Variants in RGMA observed in about 807,000 individuals in gnomAD.
RGMA encodes the protein repulsive guidance molecule BMP co-receptor a, also known as repulsive guidance molecule A.
A neutral mutation model predicts 23.2 loss-of-function variants in RGMA; 10 were observed. The ratio of observed to expected loss-of-function variants is 0.43; its 90% CI spans 0.27 to 0.73. The LOEUF is 0.73. Ranked by LOEUF, RGMA falls within the 30% of genes least tolerant of loss-of-function variation. RGMA has a pLI of 0.20. For missense variants in RGMA, 547 were observed against 630.5 expected (o/e 0.87, Z 1.42); for synonymous variants, 308 against 279.3 (o/e 1.10, Z -1.03).
rs1421156455 is a variant in RGMA at position 93,035,871 on chromosome 15, C to T, written c.*9127G>A. ...CCAGTGATTAAGGCCTAGTCCTGCACCCAGTTGATAGCTAGGGCAGTGAGG... is the reference window on the plus strand; with the variant it reads ...CCAGTGATTAAGGCCTAGTCCTGCATCCAGTTGATAGCTAGGGCAGTGAGG... On this transcript the variant is annotated 3_prime_UTR_variant, in exon 4 of 4. Coordinates refer to ENST00000329082, the MANE Select transcript of RGMA (RefSeq NM_020211.3). 1 of 152,276 alleles carries T rather than the reference C, an allele frequency of 6.6e-6. No homozygotes were observed. Among genetic ancestry groups the T allele is most frequent in the Non-Finnish European group, 1.5e-5 (1 of 68,086 alleles). The allele number at this position is 152,276 out of a possible 1,614,324, so 9.4% of individuals were successfully genotyped here.
chr15:93,047,777 G>A (rs984360251), intron 3 of RGMA, among the ~76,000 whole-genome samples: 3 of 152,214 alleles, frequency 2.0e-5, no homozygotes, highest in Non-Finnish European at 2.9e-5. Flanking sequence ...TCTGGGTAGA[G>A]GGCAATGCCG....
chr15:93,071,469 T>G (rs769878413), intron 2 of RGMA, among the ~76,000 whole-genome samples: 1 of 152,184 alleles, frequency 6.6e-6, no homozygotes, highest in Non-Finnish European at 1.5e-5. Context: ...ACCCGACATC[T>G]TGTCCTTGGC....
chr15:93,045,640 G>C lies in RGMA; in HGVS notation c.711C>G (p.Asp237Glu), dbSNP rs112623341. ...VDQKVYQAEM[D>E]ELPAAFVDGS... ...CATCCACGAAGGCGGCCGGGAGCTC[G>C]TCCATCTCAGCCTGGTACACCTTCT... Residue 237 changes from aspartate (D) to glutamate (E), a missense_variant, in exon 4 of 4, where the codon GAC becomes GAG. Physicochemically the swap from Asp to Glu is conservative, Grantham distance 45. Around this residue, in one of 3 missense-constraint regions of RGMA, gnomAD observed 128 missense variants for 191.7 expected, o/e 0.67. Coordinates refer to ENST00000329082, the MANE Select transcript of RGMA (RefSeq NM_020211.3). The surrounding 1 kb of genome is among the most constrained non-coding windows in gnomAD (Gnocchi z 6.9). 1.7e-5 allele frequency: 27 copies of C among 1,611,202 alleles called. No homozygotes were observed. The highest frequency in any genetic ancestry group is 2.0e-5 in the Non-Finnish European group (24 of 1,179,892).
intron 1 of RGMA, among the ~76,000 whole-genome samples, chr15:93,078,463 G>A (rs751995811): frequency 6.6e-6 from 1 of 152,126 alleles, no homozygotes; most frequent in African/African-American, 2.4e-5. Context: ...GTGTGAGAAC[G>A]GATCCTTATT....
rs746710773 is a variant in RGMA, at chr15:93,045,048, G to A, written c.1303C>T (p.Leu435Phe). ...AGGAGCGGGACGAGGGCGCCCAGGA[G>A]GGGCCGGGGGGCCAGGGGCAGCCCC... ...AAGLPLAPRPLLGALVPLLAL... is the reference protein window; with the variant it reads ...AAGLPLAPRPFLGALVPLLAL... The change falls in exon 4 of 4, where the codon CTC (leucine) becomes TTC (phenylalanine). Residue 435 changes from leucine (L) to phenylalanine (F), a missense_variant. Physicochemically the swap from Leu to Phe is conservative, Grantham distance 22 (BLOSUM62 0). Transcript: ENST00000329082. The surrounding 1 kb of genome is among the most constrained non-coding windows in gnomAD (Gnocchi z 6.9). 10 of 1,576,788 alleles carry A rather than the reference G, an allele frequency of 6.3e-6. No homozygotes were observed. Among genetic ancestry groups the A allele is most frequent in the Non-Finnish European group, 8.6e-6 (10 of 1,161,310 alleles).
chr15:93,054,474 G>C (rs532023572), intron 2 of RGMA, among the ~76,000 whole-genome samples: 50 of 144,120 alleles, frequency 3.5e-4, no homozygotes, highest in African/African-American at 1.1e-3. Context: ...ATACTGTTCT[G>C]GTGGTAGTGA....
At chr15:93,063,205 C>T (rs1302815475) in intron 2 of RGMA, 1 of 152,290 alleles carries the variant, frequency 6.6e-6, no homozygotes, top group East Asian at 1.9e-4. Context: ...AAGCCTCAGA[C>T]CTCCCATGTC....
intron 1 of RGMA, among the ~76,000 whole-genome samples, chr15:93,082,962 G>C (rs1021689877): frequency 5.3e-5 from 8 of 152,252 alleles, no homozygotes; most frequent in Non-Finnish European, 1.0e-4. Flanking sequence ...CAAGTTTTAA[G>C]CCAGATGGGC....
chr15:93,035,503 C>G lies in RGMA; in HGVS notation c.*9495G>C, dbSNP rs1436904101. On this transcript the variant is annotated 3_prime_UTR_variant, in exon 4 of 4. Coordinates refer to ENST00000329082, the MANE Select transcript of RGMA (RefSeq NM_020211.3). ...GGGGGGATTCTTGCTGAAGGCAGGCCAGGTGATCAGACGTCCCCTGGAGGC... is the reference window on the plus strand; with the variant it reads ...GGGGGGATTCTTGCTGAAGGCAGGCGAGGTGATCAGACGTCCCCTGGAGGC... 1 of 152,184 alleles carries G rather than the reference C, an allele frequency of 6.6e-6. No individual in the cohort carries two copies. The highest frequency in any genetic ancestry group is 1.5e-5 in the Non-Finnish European group (1 of 68,072). The allele number at this position is 152,184 out of a possible 1,614,324, so 9.4% of individuals were successfully genotyped here.
At position 93,043,246 on chromosome 15, in the gene RGMA, A is replaced by ACACAGGCACGCACGCG. The variant is rs1555447880; in HGVS notation, c.*1751_*1752insCGCGTGCGTGCCTGTG. 4.4e-5 allele frequency: 3 copies of ACACAGGCACGCACGCG among 68,958 alleles called. No homozygotes were observed. Among genetic ancestry groups the ACACAGGCACGCACGCG allele is most frequent in the Non-Finnish European group, 1.1e-4 (3 of 28,466 alleles). The allele number at this position is 68,958 out of a possible 1,614,324, so 4.3% of individuals were successfully genotyped here. A position where few individuals can be genotyped will look rare whatever the true frequency, so the allele number is the denominator to read the frequency against. On this transcript the variant is annotated 3_prime_UTR_variant, in exon 4 of 4. Coordinates refer to ENST00000329082, the MANE Select transcript of RGMA (RefSeq NM_020211.3). ...TGCGCACACATGCGTACATGCACGC[A>ACACAGGCACGCACGCG]CACAGGCACGCACACACACAGGCAT...
At position 93,052,167 on chromosome 15, in the gene RGMA, G is replaced by C; in HGVS notation, c.471C>G (p.Thr157=). ...YEKSFHKHSA[T]PNYTHCGLFG... Reference sequence around the variant, plus strand: ...AGAGGCCACAGTGCGTGTAGTTGGGGGTGGCCGAGTGCTTGTGAAAGCTCT... The same window carrying C: ...AGAGGCCACAGTGCGTGTAGTTGGGCGTGGCCGAGTGCTTGTGAAAGCTCT... Residue 157 remains threonine (T), a synonymous_variant, in exon 3 of 4, where the codon ACC becomes ACG. Coordinates refer to ENST00000329082, the MANE Select transcript of RGMA (RefSeq NM_020211.3). 6.2e-7 allele frequency: 1 copy of C among 1,613,530 alleles called. No homozygotes were observed. The highest frequency in any genetic ancestry group is 1.1e-5 in the South Asian group (1 of 91,080).
At position 93,045,366 on chromosome 15, in the gene RGMA, C is replaced by T; in HGVS notation, c.985G>A (p.Ala329Thr). Residue 329 changes from alanine (A) to threonine (T), a missense_variant, in exon 4 of 4, where the codon GCC becomes ACC. Transcript: ENST00000329082. This position sits in a 1 kb window ranked among gnomAD's most constrained non-coding sequence, Gnocchi z 6.9. Reference sequence around the variant, plus strand: ...GTGCCCTCAGCATTGGTGTGGAAGGCCTGGAAGTCGATCTGCTGGTTGAGG... The same window carrying T: ...GTGCCCTCAGCATTGGTGTGGAAGGTCTGGAAGTCGATCTGCTGGTTGAGG... ...CPLNQQIDFQ[A>T]FHTNAEGTGA... The T allele has an allele frequency of 6.2e-7, 1 of 1,611,974 alleles. No homozygotes were observed. Among genetic ancestry groups the T allele is most frequent in the Non-Finnish European group, 8.5e-7 (1 of 1,179,534 alleles).
intron 2 of RGMA, among the ~76,000 whole-genome samples, chr15:93,057,201 G>C (rs2055028484): frequency 6.6e-6 from 1 of 152,156 alleles, no homozygotes; most frequent in South Asian, 2.1e-4. Context: ...TGGGCACCAG[G>C]TGGCTTCACC....
chr15:93,062,493 T>C (rs1013029802), intron 2 of RGMA, among the ~76,000 whole-genome samples: 4 of 152,154 alleles, frequency 2.6e-5, no homozygotes, highest in South Asian at 2.1e-4. Flanking sequence ...GGAGGCGACA[T>C]GCTGGCTGGT....
In RGMA at chr15:93,088,987, G is replaced by A. The variant is rs954994352; in HGVS notation, c.-55C>T. 4 of 1,247,196 alleles carry A rather than the reference G, an allele frequency of 3.2e-6. No individual in the cohort carries two copies. Among genetic ancestry groups the A allele is most frequent in the Non-Finnish European group, 4.2e-6 (4 of 961,632 alleles). 77.3% of individuals were successfully genotyped at this position (1,247,196 alleles called of 1,614,324 possible). On this transcript the variant is annotated 5_prime_UTR_variant, in exon 1 of 4. Coordinates refer to ENST00000329082, the MANE Select transcript of RGMA (RefSeq NM_020211.3). The stretch of plus-strand genomic sequence containing the variant: ...TGGCGGGGCTGCGGGAGAAGAGGGG[G>A]TGTCGGGGCGCCGCTCGTCTGCCCC...
At chr15:93,050,018 C>A (rs977952302) in intron 3 of RGMA, among the ~76,000 whole-genome samples, 1 of 152,244 alleles carries the variant, frequency 6.6e-6, no homozygotes, top group African/African-American at 2.4e-5. Flanking sequence ...GATGTCGACT[C>A]CTCTGTTCCT....
chr15:93,085,937 G>A (rs1255464118), intron 1 of RGMA, among the ~76,000 whole-genome samples: 1 of 152,210 alleles, frequency 6.6e-6, no homozygotes, highest in Non-Finnish European at 1.5e-5. Context: ...ACTTGGGTAA[G>A]GCAATCCTTA....
In RGMA at chr15:93,045,033, C is replaced by G; in HGVS notation, c.1318G>C (p.Val440Leu). The part of the protein sequence containing the change: ...LAPRPLLGAL[V>L]PLLALLPVFC ...ACAGGGAGCAGGGCCAGGAGCGGGA[C>G]GAGGGCGCCCAGGAGGGGCCGGGGG... is the stretch of plus-strand genomic sequence containing the variant. Residue 440 changes from valine (V) to leucine (L), a missense_variant, in exon 4 of 4, where the codon GTC (valine) becomes CTC (leucine). Coordinates refer to ENST00000329082, the MANE Select transcript of RGMA (RefSeq NM_020211.3). The surrounding 1 kb of genome is among the most constrained non-coding windows in gnomAD (Gnocchi z 6.9). The G allele has an allele frequency of 1.9e-6, 3 of 1,598,408 alleles. No homozygotes were observed. The highest frequency in any genetic ancestry group is 1.8e-4 in the Middle Eastern group (1 of 5,626).
chr15:93,080,827 C>T (rs1895547680), intron 1 of RGMA, among the ~76,000 whole-genome samples: 3 of 152,130 alleles, frequency 2.0e-5, no homozygotes, highest in South Asian at 4.1e-4. Flanking sequence ...TTCTTTTCTC[C>T]CTACTTCTCC....
Sources: allele counts gnomAD v4.1 joint callset (sites outside exome capture counted in the v4.1 genomes callset), GRCh38; gene constraint gnomAD v4.1.1; regional missense constraint gnomAD v4.1.1; non-coding constraint Gnocchi (gnomAD v3.1); transcripts MANE v1.5; gene names NCBI Gene and HGNC (gene_info 2026-07-23, HGNC 2026-07-21).